RGPD4: variants seen among roughly 807,000 people sequenced by gnomAD.
The protein encoded by RGPD4 is ranBP2-like and GRIP domain-containing protein 4.
A neutral mutation model predicts 141.1 loss-of-function variants in RGPD4; 84 were observed. That is an observed-to-expected ratio of 0.60 (90% CI 0.50 to 0.71). The LOEUF is 0.71. Ranked by LOEUF, RGPD4 falls within the 30% of genes least tolerant of loss-of-function variation. The pLI is 0.00. For missense variants in RGPD4, 918 were observed against 1,622.4 expected, an observed-to-expected ratio of 0.57 and a Z score of 7.46; for synonymous variants, 298 against 566.8, an observed-to-expected ratio of 0.53 and a Z score of 6.74.
rs832335 is a variant in RGPD4, at chr2:107,891,335, A to G, written c.*604A>G. ...AAATAATAATAGTAATAAAAATAAC[A>G]TTTTATGACTATTTATTGCAAGGTC... is the stretch of plus-strand genomic sequence containing the variant. On this transcript the variant is annotated 3_prime_UTR_variant, in exon 23 of 23. Coordinates refer to ENST00000408999, the MANE Select transcript of RGPD4 (RefSeq NM_182588.3). 0.19 allele frequency among the ~76,000 whole-genome samples: 12,029 copies of G among 62,950 alleles called. 43 individuals carry two copies. Among genetic ancestry groups the G allele is most frequent in the Middle Eastern group, 0.3 (37 of 122 alleles). The allele number at this position is 62,950 out of a possible 152,430, so 41.3% of individuals were successfully genotyped here.
chr2:107,859,773 T>A lies in RGPD4; in HGVS notation c.1686T>A (p.Thr562=), dbSNP rs757971015. ...TTTTAGTTCAGCATGAAATAAACAC[T>A]CTAAGAGCCCAGGAAAAACATGGCC... ...LRLLVQHEIN[T]LRAQEKHGLQ... is the part of the protein sequence containing the mutation. Residue 562 remains threonine (T), a synonymous_variant, in exon 12 of 23, where the codon ACT becomes ACA. Coordinates refer to ENST00000408999, the MANE Select transcript of RGPD4 (RefSeq NM_182588.3). 7.4e-6 allele frequency: 12 copies of A among 1,610,746 alleles called. 1 individual carries two copies. The South Asian group carries it at 1.3e-4, about 18-fold the overall frequency.
chr2:107,878,207 T>C (rs1406524411), intron 20 of RGPD4, among the ~76,000 whole-genome samples: 1 of 151,544 alleles, frequency 6.6e-6, no homozygotes, highest in Non-Finnish European at 1.5e-5. Flanking sequence ...TCATTTGATA[T>C]TTTCATTTTA....
chr2:107,859,732 T>G lies in RGPD4; in HGVS notation c.1645T>G (p.Ser549Ala), dbSNP rs774345281. 37 of 1,611,106 alleles carry G rather than the reference T, an allele frequency of 2.3e-5. No homozygotes were observed. Among genetic ancestry groups the G allele is most frequent in the Non-Finnish European group, 2.6e-5 (31 of 1,179,828 alleles). The stretch of plus-strand genomic sequence containing the variant: ...TGAACTATTTTTTAGACCTGGAAAC[T>G]CAGCAAAATTGAGACTTTTAGTTCA... The part of the protein sequence containing the change: ...LIHRKAVPGN[S>A]AKLRLLVQHE... The change falls in exon 12 of 23, where the codon TCA (serine) becomes GCA (alanine). Residue 549 changes from serine (S) to alanine (A), a missense_variant. Transcript: ENST00000408999.
chr2:107,887,439 G>T (rs1441009288), intron 22 of RGPD4, among the ~76,000 whole-genome samples: 1 of 152,122 alleles, frequency 6.6e-6, no homozygotes, highest in Non-Finnish European at 1.5e-5. Context: ...GATGTTGGCT[G>T]TGAGTTAATG....
intron 6 of RGPD4, among the ~76,000 whole-genome samples, chr2:107,845,658 G>C (rs1681901456): frequency 6.6e-6 from 1 of 152,298 alleles, no homozygotes; most frequent in South Asian, 2.1e-4. Context: ...GAACCTCCCA[G>C]GTTCACACCA....
chr2:107,886,238 A>C (rs1675507691), intron 22 of RGPD4, among the ~76,000 whole-genome samples: 1 of 138,224 alleles, frequency 7.2e-6, no homozygotes, highest in South Asian at 2.5e-4. Context: ...GAAATCTTTC[A>C]GAACTGTTGA....
chr2:107,856,006 G>A (rs1345724468), intron 8 of RGPD4, among the ~76,000 whole-genome samples: 1 of 121,130 alleles, frequency 8.3e-6, no homozygotes, highest in African/African-American at 3.7e-5. Flanking sequence ...ATTGCTTACT[G>A]TAAACCTATG....
chr2:107,877,778 C>A (rs1027519482), intron 20 of RGPD4, among the ~76,000 whole-genome samples: 3 of 151,682 alleles, frequency 2.0e-5, no homozygotes, highest in Admixed American at 2.0e-4. Flanking sequence ...ATTAAAATGA[C>A]TAACGTAGTT....
intron 22 of RGPD4, among the ~76,000 whole-genome samples, chr2:107,883,813 T>G (rs1257383683): frequency 6.6e-6 from 1 of 152,098 alleles, no homozygotes; most frequent in African/African-American, 2.4e-5. Flanking sequence ...AAATTACTTT[T>G]ATTTTTGACA....
chr2:107,871,910 A>G lies in RGPD4; in HGVS notation c.3906A>G (p.Pro1302=). The change falls in exon 20 of 23, where the codon CCA becomes CCG. Residue 1302 remains proline (P), a synonymous_variant. Coordinates refer to ENST00000408999, the MANE Select transcript of RGPD4 (RefSeq NM_182588.3). ...SNFSFKSALS[P]SKSPAKLNQS... is the part of the protein sequence containing the mutation. Reference sequence around the variant, plus strand: ...TCAGTTTTAAATCTGCTTTGAGTCCATCTAAGTCTCCTGCCAAGTTGAATC... The same window carrying G: ...TCAGTTTTAAATCTGCTTTGAGTCCGTCTAAGTCTCCTGCCAAGTTGAATC... 1 of 1,611,470 alleles carries G rather than the reference A, an allele frequency of 6.2e-7. No individual in the cohort carries two copies.
chr2:107,831,273 G>C (rs543305051), intron 1 of RGPD4, among the ~76,000 whole-genome samples: 1 of 149,338 alleles, frequency 6.7e-6, no homozygotes, highest in Non-Finnish European at 1.5e-5. Flanking sequence ...TGTCAAGTCG[G>C]TTTCTTATTC....
rs1675635994 is a variant in RGPD4, at chr2:107,890,757, C to T, written c.*26C>T. On this transcript the variant is annotated 3_prime_UTR_variant, in exon 23 of 23. Transcript: ENST00000408999. ...AATGCTTCCCGTTCTTCTGGATGGG[C>T]ATCCTATCTTCGTAGTTGGTTTGGA... is the stretch of plus-strand genomic sequence containing the variant. The T allele has an allele frequency of 1.9e-6, 3 of 1,602,890 alleles. No individual in the cohort carries two copies. The highest frequency in any genetic ancestry group is 1.4e-5 in the African/African-American group (1 of 73,788).
Position 107,859,790 on chromosome 2 carries a change from A to T in RGPD4, c.1703A>T (p.Lys568Ile). The stretch of plus-strand genomic sequence containing the variant: ...ATAAACACTCTAAGAGCCCAGGAAA[A>T]ACATGGCCTTCAACCTGCTCTGCTT... ...HEINTLRAQE[K>I]HGLQPALLVH... is the part of the protein sequence containing the mutation. The change falls in exon 12 of 23, where the codon AAA becomes ATA. Residue 568 changes from lysine (K) to isoleucine (I), a missense_variant. Lys to Ile is a moderately radical substitution (Grantham distance 102). Transcript: ENST00000408999. 1.9e-6 allele frequency: 3 copies of T among 1,610,418 alleles called. No individual in the cohort carries two copies. The highest frequency in any genetic ancestry group is 2.5e-6 in the Non-Finnish European group (3 of 1,179,762).
chr2:107,833,673 G>C (rs552556639), intron 1 of RGPD4, among the ~76,000 whole-genome samples: 112 of 150,754 alleles, frequency 7.4e-4, no homozygotes, highest in African/African-American at 2.5e-3. Flanking sequence ...ATAGTTGGAA[G>C]CAAAGAAGGT....
intron 1 of RGPD4, among the ~76,000 whole-genome samples, chr2:107,830,542 T>C (rs1681447799): frequency 1.3e-5 from 2 of 151,892 alleles, no homozygotes; most frequent in African/African-American, 4.8e-5. Flanking sequence ...ACTTAGAGTC[T>C]TTTTTTTCCC....
chr2:107,856,076 G>A (rs1264441613), intron 8 of RGPD4, among the ~76,000 whole-genome samples: 24 of 134,158 alleles, frequency 1.8e-4, no homozygotes, highest in African/African-American at 7.0e-4. Flanking sequence ...TTTTTCCTGA[G>A]ACAGTCTTAC....
rs1282549311 is a variant in RGPD4, at chr2:107,872,335, T to G, written c.4331T>G (p.Leu1444Ter). Residue 1444 changes from leucine to a stop codon, truncating the protein, a stop_gained, in exon 20 of 23, where the codon TTA becomes TGA. Transcript: ENST00000408999. LOFTEE classifies it high-confidence loss of function. ...GATGGAGAAAGAAAAGTAGAGCATTTAGCTGTTCGTTTTAAACTACAGGAT... is the reference window on the plus strand; with the variant it reads ...GATGGAGAAAGAAAAGTAGAGCATTGAGCTGTTCGTTTTAAACTACAGGAT... ...FADGERKVEH[L>*]AVRFKLQDVA... The G allele has an allele frequency of 6.2e-7, 1 of 1,604,152 alleles. No homozygotes were observed. The highest frequency in any genetic ancestry group is 8.5e-7 in the Non-Finnish European group (1 of 1,178,338).
chr2:107,854,230 T>C (rs79591499), intron 7 of RGPD4, among the ~76,000 whole-genome samples: 91,467 of 136,490 alleles, frequency 0.67, 31,200 homozygotes, highest in Middle Eastern at 0.75. Context: ...TCTTTGTTTT[T>C]TTTTTTTATT....
intron 1 of RGPD4, among the ~76,000 whole-genome samples, chr2:107,830,226 T>G (rs973586299): frequency 2.6e-5 from 4 of 151,916 alleles, no homozygotes; most frequent in Non-Finnish European, 5.9e-5. Context: ...TGGCTTGCAA[T>G]TTTTAACCTT....
Sources: gnomAD v4.1 joint callset for allele counts (sites outside exome capture counted in the v4.1 genomes callset) on GRCh38, gnomAD v4.1.1 for gene constraint, MANE v1.5 for transcripts, NCBI Gene and HGNC (gene_info 2026-07-23, HGNC 2026-07-21) for gene names.